ADAM29: variants seen among roughly 807,000 people sequenced by gnomAD.
ADAM29 encodes the protein disintegrin and metalloproteinase domain-containing protein 29.
For synonymous variants in ADAM29, 367 were observed against 342.3 expected (o/e 1.07, Z -0.80); for missense variants, 969 against 1,001.8 (o/e 0.97, Z 0.44).
In ADAM29 at chr4:174,976,675, T is replaced by G. The variant is rs761023014; in HGVS notation, c.1150T>G (p.Cys384Gly). 6.2e-7 allele frequency: 1 copy of G among 1,613,998 alleles called. No individual in the cohort carries two copies. Among genetic ancestry groups the G allele is most frequent in the Non-Finnish European group, 8.5e-7 (1 of 1,179,960 alleles). Residue 384 changes from cysteine to glycine, a missense_variant, in exon 5 of 5, where the codon TGT becomes GGT. Transcript: ENST00000359240. ...FWEYTVERTK[C>G]LLETVHTKDI... ...GGAATATACTGTAGAGAGGACAAAGTGTTTGCTTGAAACAGTACACACAAA... is the reference window on the plus strand; with the variant it reads ...GGAATATACTGTAGAGAGGACAAAGGGTTTGCTTGAAACAGTACACACAAA...
chr4:174,970,514 GAATGAGA>G (rs1305561797), intron 4 of ADAM29, among the ~76,000 whole-genome samples: 1 of 152,100 alleles, frequency 6.6e-6, no homozygotes, highest in African/African-American at 2.4e-5. Flanking sequence ...AGCTGGAAAG[GAATGAGA>G]AACAGGTTTT....
intron 1 of ADAM29, among the ~76,000 whole-genome samples, chr4:174,920,067 C>G (rs1477955566): frequency 6.6e-6 from 1 of 152,164 alleles, no homozygotes; most frequent in Admixed American, 6.5e-5. Context: ...TCAACAACCT[C>G]TCATTATGAG....
In ADAM29 at chr4:174,923,560, T is replaced by TATATATAGAG. The variant is rs70947473; in HGVS notation, c.-451+2769_-451+2770insTATATAGAGA. Among the ~76,000 whole-genome samples the TATATATAGAG allele has an allele frequency of 2.6e-5, 3 of 115,892 alleles. No individual in the cohort carries two copies. In the South Asian group the frequency reaches 8.1e-4, roughly 31 times the overall value. The allele number at this position is 115,892 out of a possible 152,430, so 76.0% of individuals were successfully genotyped here. On this transcript the variant is annotated intron_variant, in intron 2 of 4. Coordinates refer to ENST00000359240, the MANE Select transcript of ADAM29 (RefSeq NM_014269.4). Reference sequence around the variant, plus strand: ...ATATATATATATATATATATATATATACACACACACATATATATCTTTAAA... The same window carrying TATATATAGAG: ...ATATATATATATATATATATATATATATATATAGAGACACACACACATATATATCTTTAAA...
At chr4:174,956,215 C>G (rs1745489799) in intron 4 of ADAM29, among the ~76,000 whole-genome samples, 1 of 152,002 alleles carries the variant, frequency 6.6e-6, no homozygotes, top group Non-Finnish European at 1.5e-5. Context: ...TTCCGTCTGT[C>G]AACTTAAGCA....
intron 4 of ADAM29, among the ~76,000 whole-genome samples, chr4:174,942,695 G>A (rs960877461): frequency 1.3e-5 from 2 of 152,168 alleles, no homozygotes; most frequent in African/African-American, 4.8e-5. Context: ...CTGCTGTGAG[G>A]ATCTCTGAAA....
intron 3 of ADAM29, among the ~76,000 whole-genome samples, chr4:174,931,851 CAGTG>C (rs1447259332): frequency 6.6e-6 from 1 of 152,056 alleles, no homozygotes; most frequent in Non-Finnish European, 1.5e-5. Context: ...CACATACACA[CAGTG>C]AGAGGGAGAG....
intron 2 of ADAM29, among the ~76,000 whole-genome samples, chr4:174,929,314 T>C (rs528517000): frequency 6.6e-6 from 1 of 152,326 alleles, no homozygotes; most frequent in African/African-American, 2.4e-5. Context: ...CATATTCTGA[T>C]GCTTTCAAAA....
intron 4 of ADAM29, among the ~76,000 whole-genome samples, chr4:174,969,366 CT>C (rs1746338915): frequency 6.6e-6 from 1 of 151,338 alleles, no homozygotes; most frequent in Non-Finnish European, 1.5e-5. Flanking sequence ...TGTCAGAATC[CT>C]AACTACTAAA....
intron 4 of ADAM29, among the ~76,000 whole-genome samples, chr4:174,938,204 A>G (rs1188379105): frequency 2.0e-5 from 3 of 152,266 alleles, no homozygotes; most frequent in African/African-American, 7.2e-5. Context: ...GAAGATTTAA[A>G]TATTAAAAAA....
chr4:174,922,070 A>ATT lies in ADAM29; in HGVS notation c.-451+1278_-451+1279insTT, dbSNP rs1560856004. ...ACCTTTGGGATCTTGGTTTGATGGA[A>ATT]GTGAATATAAGTATCAAAATTCCTT... is the stretch of plus-strand genomic sequence containing the variant. On this transcript the variant is annotated intron_variant, in intron 2 of 4. Transcript: ENST00000359240. Among the ~76,000 whole-genome samples, 3 of 152,188 alleles carry ATT rather than the reference A, an allele frequency of 2.0e-5. No homozygotes were observed. The East Asian group carries it at 5.8e-4, about 29-fold the overall frequency.
chr4:174,944,440 A>AT (rs1482318544), intron 4 of ADAM29, among the ~76,000 whole-genome samples: 1 of 151,788 alleles, frequency 6.6e-6, no homozygotes, highest in Non-Finnish European at 1.5e-5. Context: ...GTGGAATATT[A>AT]TATTTTTCTC....
Position 174,976,875 on chromosome 4 carries a change from A to C in ADAM29, c.1350A>C (p.Pro450=). 2 of 1,614,202 alleles carry C rather than the reference A, an allele frequency of 1.2e-6. No homozygotes were observed. Among genetic ancestry groups the C allele is most frequent in the South Asian group, 1.1e-5 (1 of 91,082 alleles). ...GLCCKDCKFL[P]SGKVCRKEVN... Reference sequence around the variant, plus strand: ...GTTGCAAAGACTGCAAGTTCCTACCATCAGGGAAAGTGTGTAGAAAGGAGG... The same window carrying C: ...GTTGCAAAGACTGCAAGTTCCTACCCTCAGGGAAAGTGTGTAGAAAGGAGG... The change falls in exon 5 of 5, where the codon CCA becomes CCC. Residue 450 remains proline (P), a synonymous_variant. Transcript: ENST00000359240.
chr4:174,970,747 T>C (rs1746426282), intron 4 of ADAM29, among the ~76,000 whole-genome samples: 2 of 152,290 alleles, frequency 1.3e-5, no homozygotes, highest in East Asian at 1.9e-4. Flanking sequence ...AAAATCTATA[T>C]TGTTGCCAAA....
chr4:174,925,367 ATT>A (rs34742792), intron 2 of ADAM29, among the ~76,000 whole-genome samples: 19 of 150,978 alleles, frequency 1.3e-4, no homozygotes, highest in African/African-American at 2.4e-4. Flanking sequence ...CTATCTTTGC[ATT>A]TTTTTTTTCT....
chr4:174,941,026 T>C (rs1247770074), intron 4 of ADAM29, among the ~76,000 whole-genome samples: 3 of 152,174 alleles, frequency 2.0e-5, no homozygotes, highest in Non-Finnish European at 4.4e-5. Context: ...TTTATATGGT[T>C]ATTATTTATA....
At position 174,977,795 on chromosome 4, in the gene ADAM29, C is replaced by T. The variant is rs199820660; in HGVS notation, c.2270C>T (p.Ser757Phe). 474 of 1,598,100 alleles carry T rather than the reference C, an allele frequency of 3.0e-4. 4 individuals are homozygous for T. Among genetic ancestry groups the T allele is most frequent in the South Asian group, 2.7e-3 (242 of 90,198 alleles). Residue 757 changes from serine (S) to phenylalanine (F), a missense_variant, in exon 5 of 5, where the codon TCC becomes TTC. Transcript: ENST00000359240. ...PSQSHPQVMP[S>F]QSQPPVTPSQ... ...CAGAGTCATCCTCAGGTGATGCCTT[C>T]CCAGAGTCAACCTCCTGTGACACCC...
chr4:174,955,616 C>T (rs1745457710), intron 4 of ADAM29, among the ~76,000 whole-genome samples: 1 of 151,768 alleles, frequency 6.6e-6, no homozygotes, highest in South Asian at 2.1e-4. Flanking sequence ...TGTATAAGAT[C>T]TCAAAATTTG....
chr4:174,922,402 AG>A (rs1323140169), intron 2 of ADAM29, among the ~76,000 whole-genome samples: 12 of 152,280 alleles, frequency 7.9e-5, no homozygotes, highest in African/African-American at 2.6e-4. Flanking sequence ...GCAAATACAG[AG>A]GGTCATAACT....
intron 3 of ADAM29, among the ~76,000 whole-genome samples, chr4:174,934,940 T>C (rs2110947348): frequency 6.6e-6 from 1 of 152,308 alleles, no homozygotes; most frequent in South Asian, 2.1e-4. Context: ...AAATTAATAC[T>C]TTTAGTTCAT....
Sources: allele counts gnomAD v4.1 joint callset (sites outside exome capture counted in the v4.1 genomes callset), GRCh38; gene constraint gnomAD v4.1.1; transcripts MANE v1.5; gene names NCBI Gene and HGNC (gene_info 2026-07-23, HGNC 2026-07-21).